CUX2: variants seen among roughly 807,000 people sequenced by gnomAD.
The protein encoded by CUX2 is homeobox protein cut-like 2.
A neutral mutation model predicts 144.8 loss-of-function variants in CUX2; 40 were observed. The ratio of observed to expected loss-of-function variants is 0.28; its 90% CI spans 0.21 to 0.36. CUX2 has a LOEUF of 0.36. Among genes scored for constraint, CUX2 ranks in the 10% least tolerant of loss-of-function variants. The pLI, the probability that CUX2 is intolerant of heterozygous loss-of-function variation, is 1.00. For synonymous variants in CUX2, 827 were observed against 875.6 expected, an observed-to-expected ratio of 0.94 and a Z score of 0.98; for missense variants, 1,615 against 1,994.0, an observed-to-expected ratio of 0.81 and a Z score of 3.62.
intron 19 of CUX2, among the ~76,000 whole-genome samples, chr12:111,338,000 G>C (rs1045543131): frequency 6.6e-6 from 1 of 151,578 alleles, no homozygotes; most frequent in Non-Finnish European, 1.5e-5. Flanking sequence ...ATGCCACTAC[G>C]CTCAGCCTGG....
intron 3 of CUX2, among the ~76,000 whole-genome samples, chr12:111,257,202 C>G (rs1434529124): frequency 2.0e-5 from 3 of 149,810 alleles, no homozygotes; most frequent in Non-Finnish European, 4.5e-5. Flanking sequence ...TCCCTCTTCC[C>G]TCCTCCTCCC....
At chr12:111,220,452 C>T (rs370177258) in intron 3 of CUX2, among the ~76,000 whole-genome samples, 1 of 151,932 alleles carries the variant, frequency 6.6e-6, no homozygotes, top group South Asian at 2.1e-4. Flanking sequence ...GGGTGATGTT[C>T]GGGAGAAGAC....
rs1443785253 is a variant in CUX2 at position 111,160,525 on chromosome 12, G to T, written c.64-53675G>T. Among the ~76,000 whole-genome samples the T allele has an allele frequency of 2.6e-5, 4 of 152,158 alleles. No homozygotes were observed. The highest frequency in any genetic ancestry group is 1.9e-4 in the East Asian group (1 of 5,186). Reference sequence around the variant, plus strand: ...AGGGCCCTTCCTGGTCCAAGAACTCGCGTGACCCGGCACAGAGGGGGCGCG... The same window carrying T: ...AGGGCCCTTCCTGGTCCAAGAACTCTCGTGACCCGGCACAGAGGGGGCGCG... On this transcript the variant is annotated intron_variant, in intron 1 of 21. Coordinates refer to ENST00000261726, the MANE Select transcript of CUX2 (RefSeq NM_015267.4). This position sits in a 1 kb window ranked among gnomAD's most constrained non-coding sequence, Gnocchi z 4.1.
At chr12:111,221,070 G>A (rs2136232854) in intron 3 of CUX2, among the ~76,000 whole-genome samples, 1 of 151,870 alleles carries the variant, frequency 6.6e-6, no homozygotes, top group African/African-American at 2.4e-5. Flanking sequence ...CAAAAGGAAA[G>A]ACAAAGCAGA....
intron 1 of CUX2, among the ~76,000 whole-genome samples, chr12:111,090,829 T>G (rs957426071): frequency 1.3e-5 from 2 of 149,204 alleles, no homozygotes; most frequent in Non-Finnish European, 3.0e-5. Flanking sequence ...ACTCTCTCTG[T>G]TTTTTTTTTA....
intron 1 of CUX2, among the ~76,000 whole-genome samples, chr12:111,195,494 G>A (rs1880182148): frequency 6.6e-6 from 1 of 152,248 alleles, no homozygotes; most frequent in Non-Finnish European, 1.5e-5. Flanking sequence ...GAGATTTCAA[G>A]GGTACAGAAT....
At chr12:111,259,104 A>G (rs1056870379) in intron 3 of CUX2, among the ~76,000 whole-genome samples, 4 of 148,808 alleles carry the variant, frequency 2.7e-5, no homozygotes, top group South Asian at 2.1e-4. Context: ...GGGTCTTGCT[A>G]TGTTGCCAGG....
chr12:111,258,319 A>C (rs11065844), intron 3 of CUX2, among the ~76,000 whole-genome samples: 20,934 of 152,096 alleles, frequency 0.14, 3,790 homozygotes, highest in African/African-American at 0.42. Flanking sequence ...TTGAGACCAG[A>C]CTGGCCAACA....
chr12:111,210,623 T>C (rs1881165897), intron 1 of CUX2, among the ~76,000 whole-genome samples: 1 of 151,958 alleles, frequency 6.6e-6, no homozygotes, highest in African/African-American at 2.4e-5. Context: ...TGAAACCCTG[T>C]CTCTACCCCA....
In CUX2 at chr12:111,347,995, T is replaced by C; in HGVS notation, c.4131T>C (p.Pro1377=). 1 of 1,614,040 alleles carries C rather than the reference T, an allele frequency of 6.2e-7. No individual in the cohort carries two copies. Among genetic ancestry groups the C allele is most frequent in the Non-Finnish European group, 8.5e-7 (1 of 1,180,000 alleles). The change falls in exon 22 of 22, where the codon CCT becomes CCC. Residue 1377 remains proline, a synonymous_variant. Coordinates refer to ENST00000261726, the MANE Select transcript of CUX2 (RefSeq NM_015267.4). ...SEAGERLHPD[P]LSFKSASESS... The stretch of plus-strand genomic sequence containing the variant: ...CCGGGGAGCGACTTCACCCGGACCC[T>C]TTAAGTTTTAAGTCAGCCTCAGAGT...
intron 1 of CUX2, among the ~76,000 whole-genome samples, chr12:111,146,285 TGTA>T (rs1876666210): frequency 6.6e-6 from 1 of 152,232 alleles, no homozygotes; most frequent in African/African-American, 2.4e-5. Flanking sequence ...GCTCCACCAT[TGTA>T]GTATCATGAA....
At chr12:111,189,533 C>A (rs1041488847) in intron 1 of CUX2, among the ~76,000 whole-genome samples, 1 of 152,318 alleles carries the variant, frequency 6.6e-6, no homozygotes, top group South Asian at 2.1e-4. Context: ...GATTCATGCT[C>A]GTGGCCACAC....
intron 1 of CUX2, among the ~76,000 whole-genome samples, chr12:111,103,252 G>A (rs80258753): frequency 1.3e-5 from 2 of 152,296 alleles, no homozygotes; most frequent in East Asian, 3.9e-4. Flanking sequence ...GGGTGATTGG[G>A]TTCGGGAACG....
intron 1 of CUX2, among the ~76,000 whole-genome samples, chr12:111,066,802 T>C (rs1349949457): frequency 6.6e-6 from 1 of 152,196 alleles, no homozygotes; most frequent in Non-Finnish European, 1.5e-5. Context: ...CTCTGCCTTT[T>C]ACAAGCTGTG....
At chr12:111,333,416 T>G (rs556917390) in intron 18 of CUX2, among the ~76,000 whole-genome samples, 1 of 152,168 alleles carries the variant, frequency 6.6e-6, no homozygotes, top group Non-Finnish European at 1.5e-5. Context: ...TATGTAAATT[T>G]CTTTTCCCTG....
Position 111,296,522 on chromosome 12 carries a change from C to T in CUX2, c.687C>T (p.Asp229=), listed in dbSNP as rs572642618. 34 of 1,611,280 alleles carry T rather than the reference C, an allele frequency of 2.1e-5. No individual in the cohort carries two copies. Among genetic ancestry groups the T allele is most frequent in the Middle Eastern group, 1.7e-4 (1 of 6,056 alleles). ...TGCTAGAGCTGCGGCGGAAGTACGA[C>T]GAGGAGGCAGCATCCAAGTAAGTGA... The part of the protein sequence containing the change: ...AELLELRRKY[D]EEAASKADEV... The change falls in exon 8 of 22, where the codon GAC becomes GAT. Residue 229 remains aspartate, a synonymous_variant. Transcript: ENST00000261726.
intron 4 of CUX2, among the ~76,000 whole-genome samples, chr12:111,276,058 A>T (rs932191473): frequency 5.3e-5 from 8 of 152,314 alleles, no homozygotes; most frequent in African/African-American, 1.4e-4. Context: ...ATATATTTTT[A>T]AAAAGTGAGT....
chr12:111,153,247 A>T (rs1877166880), intron 1 of CUX2, among the ~76,000 whole-genome samples: 1 of 152,146 alleles, frequency 6.6e-6, no homozygotes, highest in Non-Finnish European at 1.5e-5. Context: ...TCACTTATTT[A>T]TTCATTCAAT....
At chr12:111,283,700 C>T (rs73199850) in intron 4 of CUX2, among the ~76,000 whole-genome samples, 8,234 of 152,108 alleles carry the variant, frequency 0.054, 242 homozygotes, top group South Asian at 0.088. Context: ...TTTCTCTAAG[C>T]GTGTCTTTGG....
Sources: gnomAD v4.1 joint callset for allele counts (sites outside exome capture counted in the v4.1 genomes callset) on GRCh38, gnomAD v4.1.1 for gene constraint, Gnocchi (gnomAD v3.1) non-coding constraint, MANE v1.5 for transcripts, NCBI Gene and HGNC (gene_info 2026-07-23, HGNC 2026-07-21) for gene names.